Variants in KCNH8 observed in about 807,000 individuals in gnomAD.
The protein encoded by KCNH8 is voltage-gated delayed rectifier potassium channel KCNH8.
KCNH8 carries 70 observed loss-of-function variants against 103.6 expected under a neutral mutation model. That is an observed-to-expected ratio of 0.68 (90% CI 0.56 to 0.82). KCNH8 has a LOEUF of 0.82. Among genes scored for constraint, KCNH8 ranks in the 40% least tolerant of loss-of-function variants. The pLI, the probability that KCNH8 is intolerant of heterozygous loss-of-function variation, is 0.00. For synonymous variants in KCNH8, 498 were observed against 489.4 expected, an observed-to-expected ratio of 1.02 and a Z score of -0.23; for missense variants, 1,217 against 1,329.9, an observed-to-expected ratio of 0.92 and a Z score of 1.32.
intron 15 of KCNH8, among the ~76,000 whole-genome samples, chr3:19,530,763 C>T (rs939763172): frequency 2.0e-5 from 3 of 152,132 alleles, no homozygotes; most frequent in Non-Finnish European, 4.4e-5. Flanking sequence ...TCTCTCAATG[C>T]TTTCTTAAGC....
intron 7 of KCNH8, among the ~76,000 whole-genome samples, chr3:19,398,027 A>G (rs1413420480): frequency 4.6e-5 from 7 of 151,990 alleles, no homozygotes; most frequent in African/African-American, 1.2e-4. Context: ...CCAAAAATTT[A>G]TCATACAAAT....
At chr3:19,355,183 G>A (rs372289367) in intron 5 of KCNH8, among the ~76,000 whole-genome samples, 1 of 151,998 alleles carries the variant, frequency 6.6e-6, no homozygotes, top group Non-Finnish European at 1.5e-5. Context: ...CCACAATGAG[G>A]TACCATCTCA....
intron 5 of KCNH8, among the ~76,000 whole-genome samples, chr3:19,355,953 A>G (rs959475540): frequency 1.2e-4 from 18 of 151,558 alleles, no homozygotes; most frequent in Admixed American, 9.9e-4. Flanking sequence ...CATACTGTTT[A>G]TTTTCTATTT....
intron 2 of KCNH8, among the ~76,000 whole-genome samples, chr3:19,258,197 A>T (rs1344849222): frequency 6.6e-6 from 1 of 152,068 alleles, no homozygotes; most frequent in South Asian, 2.1e-4. Context: ...TCAACCTAAA[A>T]CATCTAGTTA....
intron 1 of KCNH8, among the ~76,000 whole-genome samples, chr3:19,203,577 C>T (rs914903936): frequency 6.6e-6 from 1 of 151,890 alleles, no homozygotes; most frequent in Non-Finnish European, 1.5e-5. Context: ...AAAAATGCAT[C>T]TTTGAGGAAG....
intron 7 of KCNH8, among the ~76,000 whole-genome samples, chr3:19,428,614 G>T (rs2067064283): frequency 6.6e-6 from 1 of 152,212 alleles, no homozygotes; most frequent in Non-Finnish European, 1.5e-5. Flanking sequence ...CGCTTTACGT[G>T]AATCATGTCA....
chr3:19,152,362 A>T (rs985369393), intron 1 of KCNH8, among the ~76,000 whole-genome samples: 8 of 152,202 alleles, frequency 5.3e-5, no homozygotes, highest in African/African-American at 1.9e-4. Context: ...ACAGCTTTTT[A>T]AAAAAGATAC....
rs547619542 is a variant in KCNH8 at position 19,401,838 on chromosome 3, T to A, written c.1177+6527T>A. Among the ~76,000 whole-genome samples, 9 of 152,096 alleles carry A rather than the reference T, an allele frequency of 5.9e-5. No homozygotes were observed. In the East Asian group the frequency reaches 1.7e-3, roughly 29 times the overall value. On this transcript the variant is annotated intron_variant, in intron 7 of 15. Coordinates refer to ENST00000328405, the MANE Select transcript of KCNH8 (RefSeq NM_144633.3). ...AAGAAATACAAAAATTTGCATTTAATTGCATAATATTCTCAGTCCTTTGAA... is the reference window on the plus strand; with the variant it reads ...AAGAAATACAAAAATTTGCATTTAAATGCATAATATTCTCAGTCCTTTGAA...
intron 3 of KCNH8, among the ~76,000 whole-genome samples, chr3:19,331,689 GGGTAAAT>G (rs1446794601): frequency 6.6e-6 from 1 of 152,068 alleles, no homozygotes; most frequent in African/African-American, 2.4e-5. Flanking sequence ...AGTCACATCA[GGGTAAAT>G]GGAGTATCCA....
chr3:19,512,641 A>G (rs2068801769), intron 12 of KCNH8, among the ~76,000 whole-genome samples: 1 of 152,130 alleles, frequency 6.6e-6, no homozygotes, highest in East Asian at 1.9e-4. Context: ...ACTATTACAA[A>G]TGACAGGCTG....
chr3:19,240,133 C>T (rs182899558), intron 1 of KCNH8, among the ~76,000 whole-genome samples: 14 of 152,232 alleles, frequency 9.2e-5, no homozygotes, highest in Non-Finnish European at 1.0e-4. Flanking sequence ...ACTCACTTTC[C>T]GCTTTCTTGG....
intron 1 of KCNH8, among the ~76,000 whole-genome samples, chr3:19,199,787 C>T (rs1333225051): frequency 2.0e-5 from 3 of 151,702 alleles, no homozygotes; most frequent in African/African-American, 7.3e-5. Context: ...TGATAAATGG[C>T]AGATAGTGTT....
At chr3:19,251,433 C>A (rs776511535) in intron 1 of KCNH8, among the ~76,000 whole-genome samples, 1 of 151,832 alleles carries the variant, frequency 6.6e-6, no homozygotes, top group Non-Finnish European at 1.5e-5. Context: ...GCCAGCTGGG[C>A]AGAGGCAGGG....
intron 5 of KCNH8, among the ~76,000 whole-genome samples, chr3:19,369,878 C>T (rs1055341405): frequency 5.3e-5 from 8 of 151,982 alleles, no homozygotes; most frequent in African/African-American, 1.9e-4. Context: ...GTTTTGGTCA[C>T]CATCAGCTCT....
intron 2 of KCNH8, among the ~76,000 whole-genome samples, chr3:19,273,904 A>G (rs2064625757): frequency 6.6e-6 from 1 of 152,190 alleles, no homozygotes; most frequent in Non-Finnish European, 1.5e-5. Context: ...CTTGTTTTAA[A>G]TAGTGGTTCT....
At chr3:19,197,773 A>G (rs1047780067) in intron 1 of KCNH8, among the ~76,000 whole-genome samples, 1 of 151,952 alleles carries the variant, frequency 6.6e-6, no homozygotes, top group African/African-American at 2.4e-5. Flanking sequence ...ATTTGCTTCA[A>G]AGTTGTATAA....
intron 10 of KCNH8, 74 bp downstream of exon 10, chr3:19,451,478 A>G: frequency 1.5e-6 from 2 of 1,373,272 alleles, no homozygotes; most frequent in Non-Finnish European, 2.0e-6. Flanking sequence ...TGGGGGAAAA[A>G]ACTGCTATTG....
intron 9 of KCNH8, chr3:19,450,643 C>T (rs2067433410): frequency 1.3e-5 from 4 of 311,964 alleles, no homozygotes; most frequent in African/African-American, 2.2e-5. Flanking sequence ...TTTCTGTTTC[C>T]CTTAACATCA....
chr3:19,298,583 G>C (rs1315319564), intron 3 of KCNH8, among the ~76,000 whole-genome samples: 1 of 152,194 alleles, frequency 6.6e-6, no homozygotes, highest in African/African-American at 2.4e-5. Flanking sequence ...TCTTAAAGTT[G>C]CTGCATAAAA....
Sources: gnomAD v4.1 joint callset for allele counts (sites outside exome capture counted in the v4.1 genomes callset) on GRCh38, gnomAD v4.1.1 for gene constraint, MANE v1.5 for transcripts, NCBI Gene and HGNC (gene_info 2026-07-23, HGNC 2026-07-21) for gene names.